HNRNPL: variants seen among roughly 807,000 people sequenced by gnomAD.
HNRNPL encodes epididymis secretory sperm binding protein.
HNRNPL carries 12 observed loss-of-function variants against 64.0 expected under a neutral mutation model. The observed-to-expected ratio is 0.19, with a 90% CI of 0.12 to 0.30. The LOEUF (loss-of-function observed/expected upper bound fraction) is 0.30. HNRNPL is among the 10% of genes least tolerant of loss of function. The pLI, the probability that HNRNPL is intolerant of heterozygous loss-of-function variation, is 1.00. For synonymous variants in HNRNPL, 385 were observed against 313.0 expected, an observed-to-expected ratio of 1.23 and a Z score of -2.43; for missense variants, 484 against 797.4, an observed-to-expected ratio of 0.61 and a Z score of 4.73.
At position 38,840,339 on chromosome 19, in the gene HNRNPL, A is replaced by C. The variant is rs750258698; in HGVS notation, c.990T>G (p.Asp330Glu). 3 of 1,549,938 alleles carry C rather than the reference A, an allele frequency of 1.9e-6. No homozygotes were observed. Among genetic ancestry groups the C allele is most frequent in the Non-Finnish European group, 2.6e-6 (3 of 1,145,918 alleles). The change falls in exon 8 of 13, where the codon GAT (aspartate) becomes GAG (glutamate). Residue 330 changes from aspartate (D) to glutamate (E), a missense_variant. Around this residue, in one of 9 missense-constraint regions of HNRNPL, gnomAD observed 46 missense variants for 37.4 expected, o/e 1.23. Coordinates refer to ENST00000221419, the MANE Select transcript of HNRNPL (RefSeq NM_001533.3). Reference sequence around the variant, plus strand: ...GAGGTGGGGGGGGCCCGTAGCCCTCATCATGGTAATGGCTGTGGTACCCAC... The same window carrying C: ...GAGGTGGGGGGGGCCCGTAGCCCTCCTCATGGTAATGGCTGTGGTACCCAC... ...PHGGYHSHYH[D>E]EGYGPPPPHY...
At chr19:38,846,210 T>A in intron 2 of HNRNPL, 120 bp from the exon 3 acceptor site, 1 of 787,110 alleles carries the variant, frequency 1.3e-6, no homozygotes, top group African/African-American at 1.7e-5. Flanking sequence ...AACCCTATCA[T>A]GGTTCCCCGA....
In HNRNPL at chr19:38,838,328, T is replaced by C. The variant is rs73537647; in HGVS notation, c.1557+69A>G. The C allele has an allele frequency of 1.6e-3, 2,181 of 1,334,850 alleles. 19 individuals carry two copies. The African/African-American group carries it at 0.028, about 17-fold the overall frequency. 82.7% of individuals were successfully genotyped at this position (1,334,850 alleles called of 1,614,324 possible). ...TTCAACAGCTATTTGCAGAAAAGAC[T>C]GAAATGAATGGCCTACTCAGACGGC... On this transcript the variant is annotated intron_variant, in intron 10 of 12. Coordinates refer to ENST00000221419, the MANE Select transcript of HNRNPL (RefSeq NM_001533.3).
chr19:38,849,609 C>T, intron 1 of HNRNPL, 91 bp downstream of exon 1: 1 of 1,285,482 alleles, frequency 7.8e-7, no homozygotes. Flanking sequence ...GGCGCGTGCG[C>T]AGAGGCCCCC....
In HNRNPL at chr19:38,837,274, T is replaced by C. The variant is rs548894222; in HGVS notation, c.1711+110A>G. On this transcript the variant is annotated intron_variant, in intron 12 of 12. Coordinates refer to ENST00000221419, the MANE Select transcript of HNRNPL (RefSeq NM_001533.3). ...TCCCACCTGCCTGTGTCACCAACAG[T>C]GCGAAGATCCCGGGGTCCTATCTCA... is the stretch of plus-strand genomic sequence containing the variant. The C allele has an allele frequency of 3.8e-5, 31 of 809,758 alleles. No individual in the cohort carries two copies. In the African/African-American group the frequency reaches 5.0e-4, roughly 13 times the overall value. The allele number at this position is 809,758 out of a possible 1,614,324, so 50.2% of individuals were successfully genotyped here. A position where few individuals can be genotyped will look rare whatever the true frequency, so the allele number is the denominator to read the frequency against.
intron 1 of HNRNPL, 156 bp from the exon 2 acceptor site, chr19:38,847,590 A>T (rs1972343141): frequency 2.5e-6 from 1 of 405,330 alleles, no homozygotes; most frequent in African/African-American, 2.1e-5. Flanking sequence ...GAAGCCAATC[A>T]GCCCAGAAGG....
At chr19:38,840,603 G>T in intron 6 of HNRNPL, 44 bp from the exon 7 acceptor site, 1 of 1,468,678 alleles carries the variant, frequency 6.8e-7, no homozygotes, top group Non-Finnish European at 9.3e-7. Flanking sequence ...CAGAAATTGG[G>T]GTCTCTCCCT....
intron 6 of HNRNPL, 162 bp from the exon 7 acceptor site, chr19:38,840,721 C>A: frequency 4.7e-6 from 3 of 645,042 alleles, no homozygotes; most frequent in Non-Finnish European, 5.4e-6. Context: ...CTACGGCGGG[C>A]ATGAAGCCCG....
chr19:38,847,324 T>C lies in HNRNPL; in HGVS notation c.378A>G (p.Gly126=). 6.6e-7 allele frequency: 1 copy of C among 1,506,538 alleles called. No individual in the cohort carries two copies. The highest frequency in any genetic ancestry group is 8.9e-7 in the Non-Finnish European group (1 of 1,119,738). 93.3% of individuals were successfully genotyped at this position (1,506,538 alleles called of 1,614,324 possible). ...ADLVEALQEF[G]PISYVVVMPK... The stretch of plus-strand genomic sequence containing the variant: ...GCCTCTGAGCCCAGTACCTGATGGG[T>C]CCAAACTCCTGCAAGGCCTCCACAA... Residue 126 remains glycine, a synonymous_variant, in exon 2 of 13, where the codon GGA becomes GGG. Transcript: ENST00000221419.
intron 2 of HNRNPL, 55 bp from the exon 3 acceptor site, chr19:38,846,145 G>A (rs1972286606): frequency 3.8e-6 from 5 of 1,324,454 alleles, no homozygotes; most frequent in East Asian, 2.3e-5. Flanking sequence ...ACAGGAGGAG[G>A]GTATCATTTG....
chr19:38,842,633 T>C (rs1377728935), intron 6 of HNRNPL, among the ~76,000 whole-genome samples: 1 of 152,088 alleles, frequency 6.6e-6, no homozygotes, highest in Non-Finnish European at 1.5e-5. Flanking sequence ...CTAGTGGTTT[T>C]CTACCCTGTG....
In HNRNPL at chr19:38,847,298, GGCCTCTGA is replaced by G; in HGVS notation, c.386+10_386+17del. The G allele has an allele frequency of 7.6e-7, 1 of 1,320,096 alleles. No individual in the cohort carries two copies. Among genetic ancestry groups the G allele is most frequent in the Non-Finnish European group, 1.0e-6 (1 of 987,434 alleles). The allele number at this position is 1,320,096 out of a possible 1,614,324, so 81.8% of individuals were successfully genotyped here. Reference sequence around the variant, plus strand: ...AGTCAACTTTGGAAGCCCAACACCTGGCCTCTGAGCCCAGTACCTGATGGGTCCAAACT... The same window carrying G: ...AGTCAACTTTGGAAGCCCAACACCTGGCCCAGTACCTGATGGGTCCAAACT... On this transcript the variant is annotated intron_variant, in intron 2 of 12. Coordinates refer to ENST00000221419, the MANE Select transcript of HNRNPL (RefSeq NM_001533.3).
At chr19:38,845,760 T>G in intron 3 of HNRNPL, 25 bp from the exon 4 acceptor site, 2 of 1,606,974 alleles carry the variant, frequency 1.2e-6, no homozygotes, top group Non-Finnish European at 1.7e-6. Context: ...ACAGGCAAGA[T>G]GAAGGGGCAC....
At position 38,836,598 on chromosome 19, in the gene HNRNPL, TAAAAAAAAAAAAA is replaced by T. The variant is rs35433653; in HGVS notation, c.*111_*123del. On this transcript the variant is annotated 3_prime_UTR_variant, in exon 13 of 13. Coordinates refer to ENST00000221419, the MANE Select transcript of HNRNPL (RefSeq NM_001533.3). ...AGTAAGCCTCTACAAACCTAGCATT[TAAAAAAAAAAAAA>T]AAAAAAAAAAAAAGGAATACAAGAT... is the stretch of plus-strand genomic sequence containing the variant. 36 of 136,628 alleles carry T rather than the reference TAAAAAAAAAAAAA, an allele frequency of 2.6e-4. No homozygotes were observed. The highest frequency in any genetic ancestry group is 3.5e-4 in the African/African-American group (6 of 17,032). 8.5% of individuals were successfully genotyped at this position (136,628 alleles called of 1,614,324 possible).
intron 4 of HNRNPL, chr19:38,844,937 GACCTCAGGTATCTGTCC>G (rs1600062780): frequency 6.6e-6 from 1 of 152,058 alleles, no homozygotes; most frequent in Non-Finnish European, 1.5e-5. Context: ...TCGAACTCCT[GACCTCAGGTATCTGTCC>G]ACCTCGGCCT....
Position 38,849,854 on chromosome 19 carries a change from G to C in HNRNPL, c.113C>G (p.Ala38Gly). ...GCGGCCACCGCCGCCTCCGCCGCCC[G>C]CCGCCGCCATCTTCACCATCGCTCC... ...RSGAMVKMAA[A>G]GGGGGGGRYY... The change falls in exon 1 of 13, where the codon GCG (alanine) becomes GGG (glycine). Residue 38 changes from alanine to glycine, a missense_variant. Transcript: ENST00000221419. The C allele has an allele frequency of 8.3e-7, 1 of 1,208,686 alleles. No individual in the cohort carries two copies. Among genetic ancestry groups the C allele is most frequent in the South Asian group, 1.3e-5 (1 of 76,018 alleles). 74.9% of individuals were successfully genotyped at this position (1,208,686 alleles called of 1,614,324 possible). A position where few individuals can be genotyped will look rare whatever the true frequency, so the allele number is the denominator to read the frequency against.
chr19:38,841,263 C>T (rs1241598597), intron 6 of HNRNPL: 1 of 314,384 alleles, frequency 3.2e-6, no homozygotes, highest in African/African-American at 2.2e-5. Flanking sequence ...AGGCACTGGG[C>T]TAAGCGCTTT....
At chr19:38,848,983 T>G (rs745971011) in intron 1 of HNRNPL, among the ~76,000 whole-genome samples, 6 of 152,086 alleles carry the variant, frequency 3.9e-5, no homozygotes, top group Non-Finnish European at 8.8e-5. Context: ...ACTGGTGTTT[T>G]CGGAGGGACT....
chr19:38,850,570 T>G (rs1375985481), upstream of HNRNPL, among the ~76,000 whole-genome samples: 2 of 152,164 alleles, frequency 1.3e-5, no homozygotes, highest in African/African-American at 4.8e-5. Context: ...AGGCGCTCTT[T>G]GGTGCAGTAT....
chr19:38,850,967 G>T (rs545043479), upstream of HNRNPL: 1 of 152,354 alleles, frequency 6.6e-6, no homozygotes, highest in African/African-American at 2.4e-5. Flanking sequence ...AGGAGCTAAG[G>T]GCCAAGTCAT....
Sources: gnomAD v4.1 joint callset for allele counts (sites outside exome capture counted in the v4.1 genomes callset) on GRCh38, gnomAD v4.1.1 for gene constraint, gnomAD v4.1.1 regional missense constraint, MANE v1.5 for transcripts, NCBI Gene and HGNC (gene_info 2026-07-23, HGNC 2026-07-21) for gene names.